Variants in PLCB4 observed in about 807,000 individuals in gnomAD.
The protein encoded by PLCB4 is phospholipase C beta 4.
In PLCB4, 77 loss-of-function variants were observed where a neutral mutation model predicts 178.8. The ratio of observed to expected loss-of-function variants is 0.43; its 90% confidence interval spans 0.36 to 0.52. The LOEUF (loss-of-function observed/expected upper bound fraction) is 0.52. Among genes scored for constraint, PLCB4 ranks in the 20% least tolerant of loss-of-function variants. The pLI, the probability that PLCB4 is intolerant of heterozygous loss-of-function variation, is 0.00. For synonymous variants in PLCB4, 496 were observed against 490.8 expected, an observed-to-expected ratio of 1.01 and a Z score of -0.14; for missense variants, 1,024 against 1,453.4, an observed-to-expected ratio of 0.70 and a Z score of 4.80.
chr20:9,268,494 C>T (rs1601526062), intron 3 of PLCB4, among the ~76,000 whole-genome samples: 1 of 152,234 alleles, frequency 6.6e-6, no homozygotes, highest in South Asian at 2.1e-4. Context: ...TTGTCCATTC[C>T]TGAACCAAGA....
intron 30 of PLCB4, among the ~76,000 whole-genome samples, chr20:9,439,099 C>A (rs1168098921): frequency 3.3e-5 from 5 of 152,206 alleles, no homozygotes; most frequent in African/African-American, 1.2e-4. Flanking sequence ...TCAGCTTATG[C>A]TGCATAACAA....
At chr20:9,107,322 A>G (rs2091403198) in intron 2 of PLCB4, among the ~76,000 whole-genome samples, 1 of 152,234 alleles carries the variant, frequency 6.6e-6, no homozygotes. Context: ...GGGAAGATGG[A>G]ACAACCAACA....
chr20:9,387,777 A>G (rs1182501505), intron 15 of PLCB4, among the ~76,000 whole-genome samples: 1 of 152,244 alleles, frequency 6.6e-6, no homozygotes, highest in Non-Finnish European at 1.5e-5. Context: ...GTTACATAAC[A>G]AGGTTTCTCT....
chr20:9,239,956 A>G (rs978269879), intron 3 of PLCB4, among the ~76,000 whole-genome samples: 2 of 152,192 alleles, frequency 1.3e-5, no homozygotes, highest in Non-Finnish European at 2.9e-5. Context: ...CTGCTCTTCC[A>G]TCTTCTCTTG....
In PLCB4 at chr20:9,282,314, A is replaced by G. The variant is rs560973176; in HGVS notation, c.-15-25486A>G. The stretch of plus-strand genomic sequence containing the variant: ...AGATTCAGAGAAAAATAGGATATAA[A>G]CATTTCTCTGTCAGGTTGCTCACAA... On this transcript the variant is annotated intron_variant, in intron 3 of 39. Transcript: ENST00000378473. Among the ~76,000 whole-genome samples, 112 of 152,104 alleles carry G rather than the reference A, an allele frequency of 7.4e-4. 2 individuals are homozygous for G. Among genetic ancestry groups the G allele is most frequent in the African/African-American group, 2.6e-3 (108 of 41,538 alleles).
At chr20:9,211,504 T>C (rs112313938) in intron 2 of PLCB4, among the ~76,000 whole-genome samples, 1 of 152,332 alleles carries the variant, frequency 6.6e-6, no homozygotes, top group African/African-American at 2.4e-5. Flanking sequence ...GTGATTTGTA[T>C]GTTAAAGTTT....
chr20:9,394,720 A>G (rs1909937465), intron 18 of PLCB4, among the ~76,000 whole-genome samples: 1 of 152,120 alleles, frequency 6.6e-6, no homozygotes, highest in Non-Finnish European at 1.5e-5. Flanking sequence ...AATTGGTGCA[A>G]TTAGAGTTAT....
At chr20:9,420,869 T>A (rs998743085) in intron 26 of PLCB4, among the ~76,000 whole-genome samples, 1 of 152,138 alleles carries the variant, frequency 6.6e-6, no homozygotes, top group Non-Finnish European at 1.5e-5. Context: ...TAGCTTCACT[T>A]TTCTGTGTGT....
rs945404142 is a variant in PLCB4 at position 9,184,458 on chromosome 20, T to C, written c.-78-32932T>C. Among the ~76,000 whole-genome samples the C allele has an allele frequency of 4.6e-5, 7 of 152,234 alleles. 1 individual carries two copies. Among genetic ancestry groups the C allele is most frequent in the Non-Finnish European group, 7.4e-5 (5 of 68,016 alleles). On this transcript the variant is annotated intron_variant, in intron 2 of 39. Coordinates refer to ENST00000378473, the MANE Select transcript of PLCB4 (RefSeq NM_001377142.1). ...CGTGATGTCATTGCAGGTGCTCTAT[T>C]TGAGAAGCCATCCATGGTTTCTTCA...
chr20:9,418,437 A>C (rs2040401584), intron 25 of PLCB4, among the ~76,000 whole-genome samples: 1 of 152,106 alleles, frequency 6.6e-6, no homozygotes, highest in African/African-American at 2.4e-5. Context: ...TCACCCATTG[A>C]TTGGTCTTGG....
At chr20:9,319,561 C>T (rs901435165) in intron 4 of PLCB4, among the ~76,000 whole-genome samples, 1 of 152,102 alleles carries the variant, frequency 6.6e-6, no homozygotes, top group Non-Finnish European at 1.5e-5. Flanking sequence ...CCAGTTCAAA[C>T]CTGAAGGGCC....
Position 9,175,943 on chromosome 20 carries a change from A to T in PLCB4, c.-78-41447A>T, listed in dbSNP as rs2082389992. Among the ~76,000 whole-genome samples, 3 of 152,138 alleles carry T rather than the reference A, an allele frequency of 2.0e-5. No individual in the cohort carries two copies. The South Asian group carries it at 6.2e-4, about 32-fold the overall frequency. The stretch of plus-strand genomic sequence containing the variant: ...TGCGTGAGTCTTAGCAAATGTGTAC[A>T]CCACCACCACAATCACAATTTAGGA... On this transcript the variant is annotated intron_variant, in intron 2 of 39. Transcript: ENST00000378473.
intron 3 of PLCB4, among the ~76,000 whole-genome samples, chr20:9,278,533 T>A (rs1403770356): frequency 6.6e-6 from 1 of 152,038 alleles, no homozygotes; most frequent in Non-Finnish European, 1.5e-5. Context: ...GTTTGCTTAT[T>A]AATTTATCCA....
intron 3 of PLCB4, among the ~76,000 whole-genome samples, chr20:9,273,186 C>T (rs2094421093): frequency 6.6e-6 from 1 of 152,066 alleles, no homozygotes; most frequent in African/African-American, 2.4e-5. Flanking sequence ...GGGTAAAAGA[C>T]TTACAATGTG....
chr20:9,107,754 G>C (rs186977055), intron 2 of PLCB4, among the ~76,000 whole-genome samples: 2 of 152,152 alleles, frequency 1.3e-5, no homozygotes, highest in African/African-American at 2.4e-5. Flanking sequence ...AGAGTGCTGG[G>C]ATGTTACTTT....
chr20:9,280,535 A>G (rs2094485964), intron 3 of PLCB4: 1 of 797,856 alleles, frequency 1.3e-6, no homozygotes, highest in African/African-American at 1.9e-5. Flanking sequence ...AAGTTAGCAA[A>G]CAGGAAAGCA....
intron 25 of PLCB4, among the ~76,000 whole-genome samples, chr20:9,419,165 C>T (rs546787573): frequency 6.6e-6 from 1 of 151,750 alleles, no homozygotes; most frequent in Admixed American, 6.6e-5. Flanking sequence ...GTTTTCTTGC[C>T]TGATTGTTTC....
At chr20:9,292,430 G>T (rs1404293406) in intron 3 of PLCB4, among the ~76,000 whole-genome samples, 1 of 152,120 alleles carries the variant, frequency 6.6e-6, no homozygotes, top group Non-Finnish European at 1.5e-5. Context: ...TAAAGAGACA[G>T]TCTCTAGGGA....
At chr20:9,478,671 T>A (rs1274509629) in intron 39 of PLCB4, among the ~76,000 whole-genome samples, 1 of 152,188 alleles carries the variant, frequency 6.6e-6, no homozygotes, top group African/African-American at 2.4e-5. Flanking sequence ...ATTTAATGTG[T>A]ATAAAAACTT....
Sources: gnomAD v4.1 joint callset for allele counts (sites outside exome capture counted in the v4.1 genomes callset) on GRCh38, gnomAD v4.1.1 for gene constraint, MANE v1.5 for transcripts, NCBI Gene and HGNC (gene_info 2026-07-23, HGNC 2026-07-21) for gene names.